RGS17: variants seen among roughly 807,000 people sequenced by gnomAD.
RGS17 encodes regulator of G protein signaling 17, also known as regulator of G-protein signaling 17.
A neutral mutation model predicts 25.5 loss-of-function variants in RGS17; 12 were observed. That is an observed-to-expected ratio of 0.47 (90% confidence interval 0.30 to 0.76). The LOEUF (loss-of-function observed/expected upper bound fraction) is 0.76. RGS17 is among the 30% of genes least tolerant of loss of function. The pLI is 0.07. For synonymous variants in RGS17, 71 were observed against 76.9 expected (o/e 0.92, Z 0.40); for missense variants, 196 against 242.2 (o/e 0.81, Z 1.27).
intron 2 of RGS17, 31 bp downstream of exon 2, chr6:153,043,869 G>T: frequency 7.2e-7 from 1 of 1,385,554 alleles, no homozygotes; most frequent in Non-Finnish European, 1.0e-6. Context: ...GCCAAGCCTG[G>T]GTGTGGCATC....
chr6:153,027,075 G>A (rs189097586), intron 2 of RGS17, among the ~76,000 whole-genome samples: 38 of 152,094 alleles, frequency 2.5e-4, no homozygotes, highest in Non-Finnish European at 3.5e-4. Flanking sequence ...TCAAGCTACC[G>A]GATTTATATT....
At chr6:153,125,672 G>A (rs116461101) in intron 1 of RGS17, among the ~76,000 whole-genome samples, 382 of 152,190 alleles carry the variant, frequency 2.5e-3, no homozygotes, top group African/African-American at 7.2e-3. Context: ...TTCAAGACAA[G>A]CAAAACCCCG....
At chr6:153,083,420 C>T (rs997225186) in intron 1 of RGS17, among the ~76,000 whole-genome samples, 1 of 152,084 alleles carries the variant, frequency 6.6e-6, no homozygotes, top group Non-Finnish European at 1.5e-5. Context: ...AGGTCTATGC[C>T]GTTGCCAGAT....
chr6:153,010,842 T>C lies in RGS17; in HGVS notation c.*732A>G, dbSNP rs1490782756. Reference sequence around the variant, plus strand: ...TCACTCTTTTGATTTGTCATTGAGATAGGATATCTTCAAATTGTTTTGTGC... The same window carrying C: ...TCACTCTTTTGATTTGTCATTGAGACAGGATATCTTCAAATTGTTTTGTGC... On this transcript the variant is annotated 3_prime_UTR_variant, in exon 5 of 5. Transcript: ENST00000206262. 3 of 151,950 alleles carry C rather than the reference T, an allele frequency of 2.0e-5. No individual in the cohort carries two copies. Among genetic ancestry groups the C allele is most frequent in the East Asian group, 3.9e-4 (2 of 5,180 alleles). 9.4% of individuals were successfully genotyped at this position (151,950 alleles called of 1,614,324 possible). A position where few individuals can be genotyped will look rare whatever the true frequency, so the allele number is the denominator to read the frequency against.
At chr6:153,054,352 T>G (rs1014168044) in intron 1 of RGS17, among the ~76,000 whole-genome samples, 2 of 151,538 alleles carry the variant, frequency 1.3e-5, no homozygotes, top group African/African-American at 4.8e-5. Flanking sequence ...TATTAGTTGT[T>G]AGATTTGCAA....
chr6:153,079,651 A>G (rs1776942780), intron 1 of RGS17, among the ~76,000 whole-genome samples: 1 of 152,154 alleles, frequency 6.6e-6, no homozygotes, highest in Admixed American at 6.5e-5. Context: ...CCTGGAATAA[A>G]CCTCAGTTTG....
intron 2 of RGS17, among the ~76,000 whole-genome samples, chr6:153,031,037 C>T (rs1473627445): frequency 6.6e-6 from 1 of 152,122 alleles, no homozygotes; most frequent in Non-Finnish European, 1.5e-5. Context: ...GGATCTCATT[C>T]AGAGTGGGGA....
chr6:153,008,294 A>G lies in RGS17; in HGVS notation c.*3280T>C, dbSNP rs913824398. On this transcript the variant is annotated 3_prime_UTR_variant, in exon 5 of 5. Transcript: ENST00000206262. ...CATCCATGCACTAAGACGGCATATC[A>G]GAACTGGTCATTCTATGTACATATT... 1 of 151,222 alleles carries G rather than the reference A, an allele frequency of 6.6e-6. No individual in the cohort carries two copies. The highest frequency in any genetic ancestry group is 2.4e-5 in the African/African-American group (1 of 41,026). 9.4% of individuals were successfully genotyped at this position (151,222 alleles called of 1,614,324 possible).
intron 1 of RGS17, among the ~76,000 whole-genome samples, chr6:153,047,090 A>T (rs1403872193): frequency 6.6e-6 from 1 of 152,190 alleles, no homozygotes; most frequent in Non-Finnish European, 1.5e-5. Flanking sequence ...CCAAGTGCTG[A>T]GGGATAATAA....
At chr6:153,096,906 T>C (rs114205272) in intron 1 of RGS17, among the ~76,000 whole-genome samples, 2,497 of 152,246 alleles carry the variant, frequency 0.016, 77 homozygotes, top group African/African-American at 0.056. Context: ...GGACTCTCCC[T>C]TCTTCATACC....
intron 1 of RGS17, among the ~76,000 whole-genome samples, chr6:153,123,764 G>A (rs1777669991): frequency 6.6e-6 from 1 of 152,176 alleles, no homozygotes; most frequent in South Asian, 2.1e-4. Context: ...CGGAAGAAGG[G>A]CAGGGATCTC....
chr6:153,019,311 ATATCT>A lies in RGS17; in HGVS notation c.444+4946_444+4950del, dbSNP rs1302750307. On this transcript the variant is annotated intron_variant, in intron 4 of 4. Transcript: ENST00000206262. Reference sequence around the variant, plus strand: ...CCATGGTTTTCTTCAATTCAGATACATATCTTATATTTATTGAAGGATTTATAGTT... The same window carrying A: ...CCATGGTTTTCTTCAATTCAGATACATATATTTATTGAAGGATTTATAGTT... Among the ~76,000 whole-genome samples, 6 of 152,138 alleles carry A rather than the reference ATATCT, an allele frequency of 3.9e-5. No individual in the cohort carries two copies. The East Asian group carries it at 5.8e-4, about 15-fold the overall frequency.
intron 4 of RGS17, chr6:153,023,382 T>G (rs778477005): frequency 2.0e-5 from 10 of 510,130 alleles, no homozygotes; most frequent in South Asian, 1.4e-4. Flanking sequence ...GAGAAGACAT[T>G]CTAGGAACCT....
chr6:153,130,671 TCTC>T lies in RGS17; in HGVS notation c.-26+450_-26+452del, dbSNP rs1449309907. Reference sequence around the variant, plus strand: ...CGATTGGACACTGTTGATGGCACATTCTCCTCGTTCCCAACCAACCGCACAAAA... The same window carrying T: ...CGATTGGACACTGTTGATGGCACATTCTCGTTCCCAACCAACCGCACAAAA... On this transcript the variant is annotated intron_variant, in intron 1 of 4. Transcript: ENST00000206262. The surrounding 1 kb of genome is among the most constrained non-coding windows in gnomAD (Gnocchi z 6.4). Among the ~76,000 whole-genome samples the T allele has an allele frequency of 1.3e-5, 2 of 151,836 alleles. No individual in the cohort carries two copies. The highest frequency in any genetic ancestry group is 4.8e-5 in the African/African-American group (2 of 41,342).
At chr6:153,094,889 A>T (rs2129122263) in intron 1 of RGS17, among the ~76,000 whole-genome samples, 1 of 124,172 alleles carries the variant, frequency 8.1e-6, no homozygotes, top group South Asian at 3.0e-4. Context: ...TTTAATTTTT[A>T]AACATTTTAA....
intron 4 of RGS17, chr6:153,023,349 C>T (rs752070981): frequency 7.9e-6 from 4 of 506,514 alleles, no homozygotes; most frequent in Non-Finnish European, 1.2e-5. Flanking sequence ...ACAAAAAAGA[C>T]AAAAAGAGGC....
intron 1 of RGS17, among the ~76,000 whole-genome samples, chr6:153,109,734 A>T (rs577861920): frequency 6.6e-6 from 1 of 152,366 alleles, no homozygotes; most frequent in Admixed American, 6.5e-5. Flanking sequence ...GAGATGAGGA[A>T]AAAAAGGACC....
At position 153,006,998 on chromosome 6, in the gene RGS17, A is replaced by G. The variant is rs896129794; in HGVS notation, c.*4576T>C. On this transcript the variant is annotated 3_prime_UTR_variant, in exon 5 of 5. Coordinates refer to ENST00000206262, the MANE Select transcript of RGS17 (RefSeq NM_012419.5). ...GTCATAGGAAGAAAATCAGTTCCCA[A>G]ACTGGGACCTTCTATCACCTAGGGC... 5.3e-5 allele frequency: 8 copies of G among 152,222 alleles called. No individual in the cohort carries two copies. Among genetic ancestry groups the G allele is most frequent in the Admixed American group, 1.3e-4 (2 of 15,284 alleles). The allele number at this position is 152,222 out of a possible 1,614,324, so 9.4% of individuals were successfully genotyped here. A position where few individuals can be genotyped will look rare whatever the true frequency, so the allele number is the denominator to read the frequency against.
intron 1 of RGS17, among the ~76,000 whole-genome samples, chr6:153,101,765 T>C (rs987348877): frequency 7.1e-6 from 1 of 141,024 alleles, no homozygotes; most frequent in South Asian, 2.4e-4. Context: ...TCTGGTTGTT[T>C]GAAAGTATGT....
Sources: gnomAD v4.1 joint callset for allele counts (sites outside exome capture counted in the v4.1 genomes callset) on GRCh38, gnomAD v4.1.1 for gene constraint, Gnocchi (gnomAD v3.1) non-coding constraint, MANE v1.5 for transcripts, NCBI Gene and HGNC (gene_info 2026-07-23, HGNC 2026-07-21) for gene names.